The following ZFAND6 variants were observed in gnomAD, a reference collection of about 807,000 sequenced individuals.
ZFAND6 encodes the protein AN1-type zinc finger protein 6.
In ZFAND6, 12 loss-of-function variants were observed where a neutral mutation model predicts 24.5. That is an observed-to-expected ratio of 0.49 (90% CI 0.31 to 0.79). The LOEUF is 0.79. ZFAND6 is among the 30% of genes least tolerant of loss of function. The pLI is 0.04. For missense variants in ZFAND6, 207 were observed against 245.9 expected (o/e 0.84, Z 1.06); for synonymous variants, 92 against 81.5 (o/e 1.13, Z -0.69).
chr15:80,069,903 T>G (rs1207942344), intron 1 of ZFAND6, among the ~76,000 whole-genome samples: 2 of 152,160 alleles, frequency 1.3e-5, no homozygotes, highest in African/African-American at 4.8e-5. Flanking sequence ...CCACCACACC[T>G]GGCCATATTT....
intron 2 of ZFAND6, among the ~76,000 whole-genome samples, chr15:80,116,343 T>C (rs1403161494): frequency 1.3e-5 from 2 of 152,186 alleles, no homozygotes; most frequent in African/African-American, 4.8e-5. Flanking sequence ...GGCTTTTGTG[T>C]GTGAGAGTTA....
intron 1 of ZFAND6, chr15:80,060,118 C>T (rs1243796359): frequency 6.6e-6 from 1 of 151,988 alleles, no homozygotes; most frequent in African/African-American, 2.4e-5. Flanking sequence ...TCGGGAGCCT[C>T]AGTTCTTCAG....
Position 80,059,800 on chromosome 15 carries a change from C to T in ZFAND6, c.-190C>T, listed in dbSNP as rs1033093769. The T allele has an allele frequency of 2.6e-5, 4 of 152,008 alleles. No individual in the cohort carries two copies. Among genetic ancestry groups the T allele is most frequent in the Non-Finnish European group, 4.4e-5 (3 of 68,034 alleles). 9.4% of individuals were successfully genotyped at this position (152,008 alleles called of 1,614,324 possible). A position where few individuals can be genotyped will look rare whatever the true frequency, so the allele number is the denominator to read the frequency against. On this transcript the variant is annotated 5_prime_UTR_variant, in exon 1 of 7. Coordinates refer to ENST00000261749, the MANE Select transcript of ZFAND6 (RefSeq NM_019006.4). ...CGCGCAGCGTGTCAGGCGGAGAGAC[C>T]CGCCGCCAGGTGAGGAGCGCGGCCC...
chr15:80,108,206 G>A (rs1301524631), intron 2 of ZFAND6, among the ~76,000 whole-genome samples: 1 of 152,096 alleles, frequency 6.6e-6, no homozygotes, highest in African/African-American at 2.4e-5. Context: ...GAGCAGAAAA[G>A]ATATAAATTT....
chr15:80,121,091 T>C (rs1272107160), intron 3 of ZFAND6, among the ~76,000 whole-genome samples: 16 of 152,140 alleles, frequency 1.1e-4, no homozygotes, highest in Admixed American at 1.0e-3. Context: ...AAAAGGAAAG[T>C]GTTTAGTGTA....
chr15:80,106,403 T>C (rs2030556), intron 2 of ZFAND6, among the ~76,000 whole-genome samples: 5,158 of 152,246 alleles, frequency 0.034, 278 homozygotes, highest in East Asian at 0.22. Context: ...CATTTACTTA[T>C]TGTCTGTGGC....
intron 1 of ZFAND6, among the ~76,000 whole-genome samples, chr15:80,078,373 A>G (rs1474897581): frequency 6.6e-6 from 1 of 152,200 alleles, no homozygotes; most frequent in Non-Finnish European, 1.5e-5. Context: ...CCATGTTGCT[A>G]CAAAGAACAT....
rs1210517491 is a variant in ZFAND6 at position 80,122,770 on chromosome 15, A to G, written c.334A>G (p.Lys112Glu). 1 of 1,613,504 alleles carries G rather than the reference A, an allele frequency of 6.2e-7. No homozygotes were observed. Among genetic ancestry groups the G allele is most frequent in the Non-Finnish European group, 8.5e-7 (1 of 1,179,648 alleles). ...TCAATTGGACAGTACATCTGTGGAC[A>G]AAGCAGTACCTGAAACAGAAGATGT... is the stretch of plus-strand genomic sequence containing the variant. ...SSQLDSTSVD[K>E]AVPETEDVQA... The change falls in exon 5 of 7, where the codon AAA becomes GAA. Residue 112 changes from lysine (K) to glutamate (E), a missense_variant. Physicochemically the swap from Lys to Glu is moderately conservative, Grantham distance 56 (BLOSUM62 1). Transcript: ENST00000261749.
At chr15:80,134,617 G>A (rs2040772764) in intron 6 of ZFAND6, among the ~76,000 whole-genome samples, 1 of 152,176 alleles carries the variant, frequency 6.6e-6, no homozygotes, top group Non-Finnish European at 1.5e-5. Context: ...TTCACAGGAT[G>A]GAAATCATGA....
chr15:80,087,027 A>C (rs942320906), intron 1 of ZFAND6, among the ~76,000 whole-genome samples: 4 of 152,226 alleles, frequency 2.6e-5, no homozygotes, highest in Non-Finnish European at 5.9e-5. Context: ...AATACTCTCT[A>C]TATATACATA....
At chr15:80,104,532 AGTCAATCC>A (rs2039213545) in intron 2 of ZFAND6, among the ~76,000 whole-genome samples, 3 of 151,284 alleles carry the variant, frequency 2.0e-5, no homozygotes, top group East Asian at 4.4e-4. Context: ...TCAGTCAGTC[AGTCAATCC>A]ATCCATCCAT....
chr15:80,104,881 T>G lies in ZFAND6; in HGVS notation c.-18+6303T>G, dbSNP rs577252988. On this transcript the variant is annotated intron_variant, in intron 2 of 6. Coordinates refer to ENST00000261749, the MANE Select transcript of ZFAND6 (RefSeq NM_019006.4). ...CTATTTTTGCCTACTTTTGATATCA[T>G]ACAGCATGCATTTTTAAAGTCACCT... is the stretch of plus-strand genomic sequence containing the variant. 2.0e-5 allele frequency among the ~76,000 whole-genome samples: 3 copies of G among 152,314 alleles called. No homozygotes were observed. The South Asian group carries it at 6.2e-4, about 32-fold the overall frequency.
intron 6 of ZFAND6, among the ~76,000 whole-genome samples, chr15:80,135,153 CT>C (rs1447013286): frequency 6.6e-6 from 1 of 152,236 alleles, no homozygotes; most frequent in Non-Finnish European, 1.5e-5. Flanking sequence ...TGATGATCGA[CT>C]TTCACTTAAT....
At chr15:80,087,892 A>G (rs1482431674) in intron 1 of ZFAND6, among the ~76,000 whole-genome samples, 2 of 152,176 alleles carry the variant, frequency 1.3e-5, no homozygotes, top group South Asian at 2.1e-4. Flanking sequence ...TAGTATGCAC[A>G]TACTATATAT....
intron 1 of ZFAND6, among the ~76,000 whole-genome samples, chr15:80,078,768 A>G (rs565376454): frequency 9.9e-4 from 150 of 151,988 alleles, no homozygotes; most frequent in African/African-American, 3.4e-3. Flanking sequence ...CTGGCTTGAG[A>G]TGATATTTTG....
intron 5 of ZFAND6, among the ~76,000 whole-genome samples, chr15:80,128,321 G>A (rs1332508122): frequency 6.6e-6 from 1 of 152,192 alleles, no homozygotes; most frequent in Non-Finnish European, 1.5e-5. Flanking sequence ...TTTATGGTAT[G>A]TGAAATCTCC....
At chr15:80,117,877 C>T (rs2039954827) in intron 2 of ZFAND6, among the ~76,000 whole-genome samples, 1 of 152,024 alleles carries the variant, frequency 6.6e-6, no homozygotes, top group African/African-American at 2.4e-5. Context: ...AGCATTTGTC[C>T]ATATGGTGAA....
At chr15:80,077,697 C>CTT (rs11441423) in intron 1 of ZFAND6, among the ~76,000 whole-genome samples, 44,216 of 114,832 alleles carry the variant, frequency 0.39, 10,327 homozygotes, top group Non-Finnish European at 0.51. Context: ...AGTTTTCTTT[C>CTT]TTTTTTTTTT....
chr15:80,126,625 T>C (rs1159838071), intron 5 of ZFAND6, among the ~76,000 whole-genome samples: 1 of 152,162 alleles, frequency 6.6e-6, no homozygotes, highest in Non-Finnish European at 1.5e-5. Context: ...TGTCATACCA[T>C]ATGCAAAAAT....
Sources: allele counts gnomAD v4.1 joint callset (sites outside exome capture counted in the v4.1 genomes callset), GRCh38; gene constraint gnomAD v4.1.1; transcripts MANE v1.5; gene names NCBI Gene and HGNC (gene_info 2026-07-23, HGNC 2026-07-21).